Variants in DENND11 observed in about 807,000 individuals in gnomAD.
The protein encoded by DENND11 is DENN domain-containing protein 11.
A neutral mutation model predicts 49.2 loss-of-function variants in DENND11; 34 were observed. The ratio of observed to expected loss-of-function variants is 0.69; its 90% CI spans 0.53 to 0.92. The LOEUF (loss-of-function observed/expected upper bound fraction) is 0.92. DENND11 is among the 40% of genes least tolerant of loss of function. DENND11 has a pLI of 0.00. For missense variants in DENND11, 475 were observed against 581.6 expected (o/e 0.82, Z 1.88); for synonymous variants, 238 against 230.3 (o/e 1.03, Z -0.30).
rs558280096 is a variant in DENND11 at position 141,701,211 on chromosome 7, G to C, written c.268+675C>G. ...AGCATCTCCGAAAGACAGCCTATCCGGGGAGGCTTCTCCTTTAATCAGCCT... is the reference window on the plus strand; with the variant it reads ...AGCATCTCCGAAAGACAGCCTATCCCGGGAGGCTTCTCCTTTAATCAGCCT... On this transcript the variant is annotated intron_variant, in intron 1 of 8. Transcript: ENST00000536163. Among the ~76,000 whole-genome samples, 338 of 152,172 alleles carry C rather than the reference G, an allele frequency of 2.2e-3. 1 individual carries two copies. Among genetic ancestry groups the C allele is most frequent in the African/African-American group, 5.3e-3 (222 of 41,506 alleles).
intron 1 of DENND11, among the ~76,000 whole-genome samples, chr7:141,700,760 A>G (rs1188808807): frequency 4.6e-5 from 7 of 152,068 alleles, no homozygotes; most frequent in Non-Finnish European, 1.0e-4. Flanking sequence ...CCTGTGTCCT[A>G]CAGCTGAGAA....
rs1426470386 is a variant in DENND11 at position 141,672,597 on chromosome 7, T to C, written c.681+1470A>G. Among the ~76,000 whole-genome samples the C allele has an allele frequency of 2.6e-5, 4 of 152,358 alleles. No homozygotes were observed. In the South Asian group the frequency reaches 8.3e-4, roughly 32 times the overall value. ...ATACCTCCCCAGTCAAACCTTCAGA[T>C]GAGCCCCTAACCCTGGCTGAAACCA... On this transcript the variant is annotated intron_variant, in intron 4 of 8. Transcript: ENST00000536163.
At chr7:141,693,846 G>A (rs1474680818) in intron 1 of DENND11, among the ~76,000 whole-genome samples, 3 of 152,176 alleles carry the variant, frequency 2.0e-5, no homozygotes, top group Non-Finnish European at 4.4e-5. Flanking sequence ...AATAGGTCAA[G>A]CATAGGATCT....
intron 3 of DENND11, among the ~76,000 whole-genome samples, chr7:141,677,568 G>A (rs1300609339): frequency 6.8e-6 from 1 of 148,138 alleles, no homozygotes; most frequent in Non-Finnish European, 1.5e-5. Flanking sequence ...TCTAGCTCCT[G>A]GCTTTGCAAA....
intron 4 of DENND11, 100 bp from the exon 5 acceptor site, chr7:141,666,525 C>G: frequency 8.6e-7 from 1 of 1,166,166 alleles, no homozygotes; most frequent in South Asian, 2.0e-5. Flanking sequence ...ATTCTAAAGT[C>G]CATCCAAACA....
At position 141,678,495 on chromosome 7, in the gene DENND11, C is replaced by T. The variant is rs181968475; in HGVS notation, c.528-4275G>A. ...ACTTTTCACTATGAACATTTTCAAA[C>T]ATATACACAAAATGTAGAAAGAAGA... On this transcript the variant is annotated intron_variant, in intron 3 of 8. Transcript: ENST00000536163. Among the ~76,000 whole-genome samples the T allele has an allele frequency of 8.5e-5, 13 of 152,208 alleles. No individual in the cohort carries two copies. The East Asian group carries it at 2.5e-3, about 29-fold the overall frequency.
intron 2 of DENND11, among the ~76,000 whole-genome samples, 192 bp from the exon 3 acceptor site, chr7:141,685,828 G>A (rs1798233617): frequency 6.6e-6 from 1 of 152,184 alleles, no homozygotes; most frequent in African/African-American, 2.4e-5. Context: ...GGGTCACTTG[G>A]CTGGAGCTGG....
chr7:141,666,403 A>G lies in DENND11; in HGVS notation c.704T>C (p.Met235Thr), dbSNP rs201876806. 7,045 of 1,608,348 alleles carry G rather than the reference A, an allele frequency of 4.4e-3. 22 individuals carry two copies. Among genetic ancestry groups the G allele is most frequent in the Non-Finnish European group, 5.6e-3 (6,617 of 1,175,418 alleles). ...EMKITHPAGCMSQFIKFFGEQ... is the reference protein window; with the variant it reads ...EMKITHPAGCTSQFIKFFGEQ... ...TCCAAAGAACTTTATAAACTGAGAC[A>G]TGCAGCCAGCTGGGTGTGTGATCTG... The change falls in exon 5 of 9, where the codon ATG (methionine) becomes ACG (threonine). Residue 235 changes from methionine (M) to threonine (T), a missense_variant. Transcript: ENST00000536163.
intron 1 of DENND11, among the ~76,000 whole-genome samples, chr7:141,695,874 T>G (rs546727687): frequency 2.0e-4 from 31 of 152,328 alleles, no homozygotes; most frequent in African/African-American, 7.0e-4. Context: ...AGACAACTTC[T>G]GAGGAGGGAT....
intron 3 of DENND11, among the ~76,000 whole-genome samples, chr7:141,677,505 A>C (rs71545338): frequency 8.7e-6 from 1 of 114,810 alleles, no homozygotes; most frequent in South Asian, 3.6e-4. Flanking sequence ...GTGTGTGTGT[A>C]TATATATATA....
intron 3 of DENND11, 57 bp downstream of exon 3, chr7:141,685,421 A>C (rs1327997566): frequency 1.3e-5 from 21 of 1,594,168 alleles, no homozygotes; most frequent in Middle Eastern, 1.7e-4. Context: ...GGCTCGTGCC[A>C]TATGCACCAG....
Position 141,662,508 on chromosome 7 carries a change from G to C in DENND11, c.*148C>G. On this transcript the variant is annotated 3_prime_UTR_variant, in exon 9 of 9. Transcript: ENST00000536163. Reference sequence around the variant, plus strand: ...TTATCTCTAGGGAAAAGGGCAGAAAGGAAATTGCAAAAATTATGTTTGTTG... The same window carrying C: ...TTATCTCTAGGGAAAAGGGCAGAAACGAAATTGCAAAAATTATGTTTGTTG... The C allele has an allele frequency of 1.9e-6, 1 of 515,742 alleles. No homozygotes were observed. Among genetic ancestry groups the C allele is most frequent in the Non-Finnish European group, 3.2e-6 (1 of 314,098 alleles). 31.9% of individuals were successfully genotyped at this position (515,742 alleles called of 1,614,324 possible). A position where few individuals can be genotyped will look rare whatever the true frequency, so the allele number is the denominator to read the frequency against.
chr7:141,687,482 G>A (rs1344583909), intron 1 of DENND11, among the ~76,000 whole-genome samples: 9 of 149,346 alleles, frequency 6.0e-5, no homozygotes, highest in South Asian at 4.2e-4. Flanking sequence ...TTTTTTTCTC[G>A]AGACTGAGTT....
At chr7:141,666,230 C>T in intron 5 of DENND11, 57 bp downstream of exon 5, 1 of 1,510,412 alleles carries the variant, frequency 6.6e-7, no homozygotes, top group Non-Finnish European at 8.9e-7. Context: ...CAGAAAGACT[C>T]AAGCAGTTTC....
chr7:141,684,377 T>C (rs1211548032), intron 3 of DENND11, among the ~76,000 whole-genome samples: 1 of 152,248 alleles, frequency 6.6e-6, no homozygotes, highest in Non-Finnish European at 1.5e-5. Context: ...CTTGAAGTTA[T>C]AAGTCAAATT....
At chr7:141,665,909 G>A (rs910294197) in intron 5 of DENND11, among the ~76,000 whole-genome samples, 3 of 151,602 alleles carry the variant, frequency 2.0e-5, no homozygotes, top group Non-Finnish European at 4.4e-5. Context: ...GCCAGCCCCC[G>A]GCTCCTCCTC....
rs149055232 is a variant in DENND11, at chr7:141,658,806, C to T, written c.*3850G>A. On this transcript the variant is annotated 3_prime_UTR_variant, in exon 9 of 9. Transcript: ENST00000536163. ...TTCTCGGAGGGTTGATGTCCTAAAA[C>T]TGAAAGCCTAATTCATTACTGTCCT... 0.019 allele frequency: 2,825 copies of T among 152,574 alleles called. 40 individuals are homozygous for T. Among genetic ancestry groups the T allele is most frequent in the Middle Eastern group, 0.031 (9 of 294 alleles). The allele number at this position is 152,574 out of a possible 1,614,324, so 9.5% of individuals were successfully genotyped here.
chr7:141,662,362 C>G lies in DENND11; in HGVS notation c.*294G>C. 1 of 342,284 alleles carries G rather than the reference C, an allele frequency of 2.9e-6. No homozygotes were observed. 21.2% of individuals were successfully genotyped at this position (342,284 alleles called of 1,614,324 possible). A position where few individuals can be genotyped will look rare whatever the true frequency, so the allele number is the denominator to read the frequency against. The stretch of plus-strand genomic sequence containing the variant: ...ACAGTCCATCCCAATGTTTCCAGAG[C>G]TCAGCCTACTCCTAGTGATACAACT... On this transcript the variant is annotated 3_prime_UTR_variant, in exon 9 of 9. Coordinates refer to ENST00000536163, the MANE Select transcript of DENND11 (RefSeq NM_001080392.2).
chr7:141,689,103 A>T (rs1012887008), intron 1 of DENND11, among the ~76,000 whole-genome samples: 3 of 152,164 alleles, frequency 2.0e-5, no homozygotes, highest in African/African-American at 7.2e-5. Context: ...TTAAAACTTT[A>T]TTTACCCAAA....
Sources: allele counts gnomAD v4.1 joint callset (sites outside exome capture counted in the v4.1 genomes callset), GRCh38; gene constraint gnomAD v4.1.1; transcripts MANE v1.5; gene names NCBI Gene and HGNC (gene_info 2026-07-23, HGNC 2026-07-21).